The following HIGD1B variants were observed in gnomAD, a reference collection of about 807,000 sequenced individuals.
HIGD1B encodes the protein HIG1 domain family member 1B.
Under a neutral mutation model 8.8 loss-of-function variants are expected in HIGD1B, and 9 were observed. That is an observed-to-expected ratio of 1.02 (90% confidence interval 0.62 to 1.78). HIGD1B has a LOEUF of 1.78. Among genes scored for constraint, HIGD1B ranks in the 40% most tolerant of loss-of-function variants. The pLI is 0.00. For synonymous variants in HIGD1B, 47 were observed against 38.8 expected (o/e 1.21, Z -0.78); for missense variants, 126 against 111.8 (o/e 1.13, Z -0.57).
Position 44,849,375 on chromosome 17 carries a change from T to A in HIGD1B, c.222T>A (p.Gly74=), listed in dbSNP as rs769764952. The part of the protein sequence containing the change: ...TRVAAQACAV[G]AIMLGAVYTM... ...TGGCAGCGCAGGCCTGTGCAGTGGG[T>A]GCAATCATGCTAGGTGAGTAGCTTT... is the stretch of plus-strand genomic sequence containing the variant. Residue 74 remains glycine (G), a synonymous_variant, in exon 2 of 3, where the codon GGT becomes GGA. Coordinates refer to ENST00000253410, the MANE Select transcript of HIGD1B (RefSeq NM_016438.4). The A allele has an allele frequency of 6.8e-6, 11 of 1,614,058 alleles. No individual in the cohort carries two copies. The South Asian group carries it at 1.2e-4, about 18-fold the overall frequency.
chr17:44,849,153 G>T (rs2050375794), intron 1 of HIGD1B, 101 bp from the exon 2 acceptor site: 1 of 1,367,868 alleles, frequency 7.3e-7, no homozygotes. Flanking sequence ...CATAAAACCA[G>T]CTGTTTATCC....
intron 1 of HIGD1B, 116 bp from the exon 2 acceptor site, chr17:44,849,138 T>A: frequency 4.3e-5 from 45 of 1,057,850 alleles, no homozygotes; most frequent in East Asian, 8.4e-5. Context: ...CGCCACCAGA[T>A]GCTGCATAAA....
upstream of HIGD1B, among the ~76,000 whole-genome samples, chr17:44,847,497 C>T (rs2050335702): frequency 2.0e-5 from 3 of 152,224 alleles, no homozygotes; most frequent in Non-Finnish European, 4.4e-5. Context: ...TGAAGGTAGC[C>T]AGTTGGTAAT....
chr17:44,846,006 T>A (rs2050319437), upstream of HIGD1B, among the ~76,000 whole-genome samples: 1 of 152,092 alleles, frequency 6.6e-6, no homozygotes, highest in Non-Finnish European at 1.5e-5. Context: ...TTTATTTACA[T>A]CCCACATTGT....
At chr17:44,849,047 A>G (rs990008989) in intron 1 of HIGD1B, 8 of 523,052 alleles carry the variant, frequency 1.5e-5, no homozygotes, top group Non-Finnish European at 2.0e-5. Context: ...AAGTGCTGGG[A>G]TTACAGGCGT....
chr17:44,849,463 T>C, intron 2 of HIGD1B, 75 bp downstream of exon 2: 2 of 1,566,326 alleles, frequency 1.3e-6, no homozygotes. Flanking sequence ...GTCCCAACAA[T>C]TAAAAGGACT....
In HIGD1B at chr17:44,850,443, T is replaced by C; in HGVS notation, c.*47T>C. 1 of 1,398,656 alleles carries C rather than the reference T, an allele frequency of 7.1e-7. No homozygotes were observed. Among genetic ancestry groups the C allele is most frequent in the South Asian group, 1.2e-5 (1 of 84,334 alleles). The allele number at this position is 1,398,656 out of a possible 1,614,324, so 86.6% of individuals were successfully genotyped here. A position where few individuals can be genotyped will look rare whatever the true frequency, so the allele number is the denominator to read the frequency against. ...TGTCCAACTCCCCTAACTCAATCCC[T>C]GGTACATTCCTAATAAAGCAGTTTT... On this transcript the variant is annotated 3_prime_UTR_variant, in exon 3 of 3. Coordinates refer to ENST00000253410, the MANE Select transcript of HIGD1B (RefSeq NM_016438.4).
rs139241229 is a variant in HIGD1B at position 44,848,511 on chromosome 17, G to C, written c.100+259G>C. Among the ~76,000 whole-genome samples, 851 of 152,296 alleles carry C rather than the reference G, an allele frequency of 5.6e-3. 2 individuals carry two copies. Among genetic ancestry groups the C allele is most frequent in the Non-Finnish European group, 7.9e-3 (534 of 68,018 alleles). ...AACACCAAAGTGGGAAGGGTCAGAA[G>C]AACACCTTGGGGTCCCCCAGGGCTT... On this transcript the variant is annotated intron_variant, in intron 1 of 2. Transcript: ENST00000253410.
chr17:44,846,512 C>G (rs1258442176), upstream of HIGD1B: 1 of 152,250 alleles, frequency 6.6e-6, no homozygotes, highest in Admixed American at 6.5e-5. Flanking sequence ...GAAGCTGACT[C>G]AAGGGCAGGC....
chr17:44,847,237 T>G (rs1191956759), upstream of HIGD1B, among the ~76,000 whole-genome samples: 1 of 151,176 alleles, frequency 6.6e-6, no homozygotes, highest in Non-Finnish European at 1.5e-5. Context: ...ATCGAGACCA[T>G]CCTGGCTAAC....
At chr17:44,849,492 T>C in intron 2 of HIGD1B, 104 bp downstream of exon 2, 1 of 1,363,086 alleles carries the variant, frequency 7.3e-7, no homozygotes, top group Non-Finnish European at 1.0e-6. Flanking sequence ...CTGGGCGCGG[T>C]GGTTCACGCC....
chr17:44,847,124 G>A (rs928866058), upstream of HIGD1B, among the ~76,000 whole-genome samples: 5 of 151,344 alleles, frequency 3.3e-5, no homozygotes, highest in East Asian at 2.0e-4. Flanking sequence ...GCTACAGAGC[G>A]AAACTCCGTC....
intron 1 of HIGD1B, among the ~76,000 whole-genome samples, 173 bp downstream of exon 1, chr17:44,848,425 G>A (rs955103757): frequency 7.9e-5 from 12 of 152,248 alleles, no homozygotes; most frequent in African/African-American, 2.7e-4. Context: ...AAATCAGGAC[G>A]TCTGGATGGG....
chr17:44,847,294 G>A (rs1202440630), upstream of HIGD1B, among the ~76,000 whole-genome samples: 5 of 152,178 alleles, frequency 3.3e-5, no homozygotes, highest in African/African-American at 9.6e-5. Flanking sequence ...TTAGCCGGGC[G>A]CGGTGGCGGG....
At chr17:44,846,038 T>C (rs1050469666), upstream of HIGD1B, among the ~76,000 whole-genome samples, 1 of 151,916 alleles carries the variant, frequency 6.6e-6, no homozygotes, top group African/African-American at 2.4e-5. Flanking sequence ...TCCGAGGGAG[T>C]GTAACTTGGG....
chr17:44,846,586 CAGG>C (rs1170458585), upstream of HIGD1B, among the ~76,000 whole-genome samples: 1 of 151,682 alleles, frequency 6.6e-6, no homozygotes, highest in Non-Finnish European at 1.5e-5. Context: ...CGCCTGAGAC[CAGG>C]AGTTCAAGAT....
At position 44,849,340 on chromosome 17, in the gene HIGD1B, C is replaced by T; in HGVS notation, c.187C>T (p.His63Tyr). 1 of 1,614,176 alleles carries T rather than the reference C, an allele frequency of 6.2e-7. No individual in the cohort carries two copies. Among genetic ancestry groups the T allele is most frequent in the South Asian group, 1.1e-5 (1 of 91,070 alleles). Residue 63 changes from histidine (H) to tyrosine (Y), a missense_variant, in exon 2 of 3, where the codon CAC becomes TAC. Transcript: ENST00000253410. ...GSTKMSIHLI[H>Y]TRVAAQACAV... Reference sequence around the variant, plus strand: ...CACCAAGATGTCCATACACCTGATTCACACCCGAGTGGCAGCGCAGGCCTG... The same window carrying T: ...CACCAAGATGTCCATACACCTGATTTACACCCGAGTGGCAGCGCAGGCCTG...
At position 44,848,008 on chromosome 17, in the gene HIGD1B, T is replaced by C. The variant is rs1401445819; in HGVS notation, c.-145T>C. 3.6e-6 allele frequency: 2 copies of C among 554,194 alleles called. No homozygotes were observed. 34.3% of individuals were successfully genotyped at this position (554,194 alleles called of 1,614,324 possible). ...GACATCTTTTCAAGTAGAGGCTGTG[T>C]TGGGGCATGGTGAGAGAGGGTCTTA... is the stretch of plus-strand genomic sequence containing the variant. On this transcript the variant is annotated 5_prime_UTR_variant, in exon 1 of 3. Coordinates refer to ENST00000253410, the MANE Select transcript of HIGD1B (RefSeq NM_016438.4).
chr17:44,848,573 G>A (rs1051174644), intron 1 of HIGD1B, among the ~76,000 whole-genome samples: 4 of 152,120 alleles, frequency 2.6e-5, no homozygotes, highest in Non-Finnish European at 4.4e-5. Context: ...GAAAACAGCT[G>A]TACCAGGAGG....
Sources: gnomAD v4.1 joint callset for allele counts (sites outside exome capture counted in the v4.1 genomes callset) on GRCh38, gnomAD v4.1.1 for gene constraint, MANE v1.5 for transcripts, NCBI Gene and HGNC (gene_info 2026-07-23, HGNC 2026-07-21) for gene names.